The following DSC2 variants were observed in gnomAD, a reference collection of about 807,000 sequenced individuals.
DSC2 encodes the protein desmocollin-2.
DSC2 carries 51 observed loss-of-function variants against 87.6 expected under a neutral mutation model. That is an observed-to-expected ratio of 0.58 (90% CI 0.46 to 0.74). The LOEUF is 0.74. Among genes scored for constraint, DSC2 ranks in the 30% least tolerant of loss-of-function variants. DSC2 has a pLI of 0.00. For synonymous variants in DSC2, 383 were observed against 393.2 expected, an observed-to-expected ratio of 0.97 and a Z score of 0.31; for missense variants, 1,066 against 1,089.5, an observed-to-expected ratio of 0.98 and a Z score of 0.30.
intron 11 of DSC2, 115 bp from the exon 12 acceptor site, chr18:31,075,022 G>T: frequency 1.8e-6 from 2 of 1,114,384 alleles, no homozygotes; most frequent in Non-Finnish European, 2.6e-6. Context: ...AAGTTACAAT[G>T]ACAAGCAGTC....
rs998690766 is a variant in DSC2, at chr18:31,062,041, G to A, written c.*5974C>T. 3 of 152,182 alleles carry A rather than the reference G, an allele frequency of 2.0e-5. No homozygotes were observed. Among genetic ancestry groups the A allele is most frequent in the African/African-American group, 7.2e-5 (3 of 41,444 alleles). The allele number at this position is 152,182 out of a possible 1,614,324, so 9.4% of individuals were successfully genotyped here. A position where few individuals can be genotyped will look rare whatever the true frequency, so the allele number is the denominator to read the frequency against. On this transcript the variant is annotated 3_prime_UTR_variant, in exon 16 of 16. Coordinates refer to ENST00000280904, the MANE Select transcript of DSC2 (RefSeq NM_024422.6). ...CTACCTCTTACGTGTTATCTTCCAA[G>A]TGACATTATCAGTTCACAGCACAAT... is the stretch of plus-strand genomic sequence containing the variant.
intron 1 of DSC2, among the ~76,000 whole-genome samples, chr18:31,099,199 A>C (rs1240488876): frequency 1.3e-5 from 2 of 151,942 alleles, no homozygotes; most frequent in Non-Finnish European, 2.9e-5. Context: ...TTAAGCTATA[A>C]AAGTGGATAA....
At position 31,099,197 on chromosome 18, in the gene DSC2, TA is replaced by T. The variant is rs200485417; in HGVS notation, c.69+2705del. Among the ~76,000 whole-genome samples, 124 of 152,254 alleles carry T rather than the reference TA, an allele frequency of 8.1e-4. 3 individuals carry two copies. The East Asian group carries it at 0.022, about 28-fold the overall frequency. On this transcript the variant is annotated intron_variant, in intron 1 of 15. Coordinates refer to ENST00000280904, the MANE Select transcript of DSC2 (RefSeq NM_024422.6). ...GGCAACTGTGTGATATTTTAAGCTA[TA>T]AAAGTGGATAAAATGCCCTAGGGAA...
intron 2 of DSC2, among the ~76,000 whole-genome samples, chr18:31,093,130 T>C (rs1987654437): frequency 6.6e-6 from 1 of 152,246 alleles, no homozygotes; most frequent in Admixed American, 6.5e-5. Context: ...TCAGGATTTA[T>C]TTTGTATGTG....
Position 31,101,983 on chromosome 18 carries a change from G to C in DSC2, c.-12C>G, listed in dbSNP as rs954770780. The C allele has an allele frequency of 1.3e-5, 19 of 1,510,098 alleles. No individual in the cohort carries two copies. The highest frequency in any genetic ancestry group is 2.5e-5 in the South Asian group (2 of 81,516). 93.5% of individuals were successfully genotyped at this position (1,510,098 alleles called of 1,614,324 possible). On this transcript the variant is annotated 5_prime_UTR_variant, in exon 1 of 16. Transcript: ENST00000280904. ...CGGGCTGCCTCCATGGAGAGGGCTCGGGGCAGGTCGCGGGCCGAGCGTCGG... is the reference window on the plus strand; with the variant it reads ...CGGGCTGCCTCCATGGAGAGGGCTCCGGGCAGGTCGCGGGCCGAGCGTCGG...
At chr18:31,074,570 C>G in intron 12 of DSC2, 113 bp downstream of exon 12, 1 of 1,011,842 alleles carries the variant, frequency 9.9e-7, no homozygotes. Flanking sequence ...AACTGAGAAA[C>G]TTTCATTGGT....
intron 1 of DSC2, chr18:31,101,142 A>G: frequency 1.0e-6 from 1 of 974,188 alleles, no homozygotes; most frequent in Non-Finnish European, 1.2e-6. Context: ...GAAATCAGAA[A>G]GACCCTTCCT....
At position 31,068,983 on chromosome 18, in the gene DSC2, C is replaced by G. The variant is rs748323101; in HGVS notation, c.2419G>C (p.Asp807His). Residue 807 changes from aspartate (D) to histidine (H), a missense_variant, in exon 15 of 16, where the codon GAC becomes CAC. By Grantham distance (81) the Asp-to-His change is moderately conservative. Coordinates refer to ENST00000280904, the MANE Select transcript of DSC2 (RefSeq NM_024422.6). ...CRGAGHHHTL[D>H]SCRGGHTEVD... ...TCCGTGTGTCCTCCCCTGCAGGAGT[C>G]CAGGGTGTGATGGTGGCCAGCCCCC... 3 of 1,614,030 alleles carry G rather than the reference C, an allele frequency of 1.9e-6. No individual in the cohort carries two copies. In the East Asian group the frequency reaches 6.7e-5, roughly 36 times the overall value.
intron 12 of DSC2, 119 bp downstream of exon 12, chr18:31,074,562 CTG>C: frequency 1.1e-6 from 1 of 951,658 alleles, no homozygotes; most frequent in South Asian, 1.4e-5. Flanking sequence ...CACACAAAAA[CTG>C]AGAAACTTTC....
At chr18:31,084,210 G>A (rs1001180983) in intron 7 of DSC2, among the ~76,000 whole-genome samples, 6 of 152,000 alleles carry the variant, frequency 3.9e-5, no homozygotes, top group African/African-American at 1.5e-4. Context: ...TGATCTTCCT[G>A]CTTTTAACAC....
intron 1 of DSC2, among the ~76,000 whole-genome samples, chr18:31,100,421 T>C (rs549918384): frequency 2.6e-5 from 4 of 152,324 alleles, no homozygotes; most frequent in Admixed American, 6.5e-5. Flanking sequence ...GAAATTGCAA[T>C]TTTATTAGGA....
chr18:31,092,075 T>C (rs773458185), intron 3 of DSC2, 26 bp downstream of exon 3: 2 of 1,588,466 alleles, frequency 1.3e-6, no homozygotes, highest in Admixed American at 3.4e-5. Flanking sequence ...AAGATATCAT[T>C]TCTTCATTTA....
At position 31,080,114 on chromosome 18, in the gene DSC2, C is replaced by T. The variant is rs1315688724; in HGVS notation, c.1502G>A (p.Arg501Lys). The change falls in exon 10 of 16, where the codon AGA (arginine) becomes AAA (lysine). Residue 501 changes from arginine (R) to lysine (K), a missense_variant. Coordinates refer to ENST00000280904, the MANE Select transcript of DSC2 (RefSeq NM_024422.6). ...TAAGTACCTTATGCCACTGCTACTT[C>T]TTGTTTCTGGGTCATATGCTTTATA... Reference protein sequence around the residue: ...NGYKAYDPETRSSSGIRYKKL... With the variant: ...NGYKAYDPETKSSSGIRYKKL... 6.2e-7 allele frequency: 1 copy of T among 1,613,996 alleles called. No individual in the cohort carries two copies. Among genetic ancestry groups the T allele is most frequent in the Admixed American group, 1.7e-5 (1 of 60,020 alleles).
chr18:31,067,415 A>T lies in DSC2; in HGVS notation c.*600T>A, dbSNP rs1986660251. 6.6e-6 allele frequency: 1 copy of T among 152,210 alleles called. No homozygotes were observed. The highest frequency in any genetic ancestry group is 2.4e-5 in the African/African-American group (1 of 41,466). The allele number at this position is 152,210 out of a possible 1,614,324, so 9.4% of individuals were successfully genotyped here. A position where few individuals can be genotyped will look rare whatever the true frequency, so the allele number is the denominator to read the frequency against. On this transcript the variant is annotated 3_prime_UTR_variant, in exon 16 of 16. Transcript: ENST00000280904. The stretch of plus-strand genomic sequence containing the variant: ...CAAAAGTAGGTAACAGAGGAGACAC[A>T]GATTCAGTGCAGGATTTTATATACA...
At position 31,102,153 on chromosome 18, in the gene DSC2, A is replaced by G; in HGVS notation, c.-182T>C. ...TCTCTGAAGCGCCTGCCTCTCATCC[A>G]AGGGGCTTTTCCTTTGGCGGAGGGA... On this transcript the variant is annotated 5_prime_UTR_variant, in exon 1 of 16. Transcript: ENST00000280904. 1 of 505,678 alleles carries G rather than the reference A, an allele frequency of 2.0e-6. No homozygotes were observed. The highest frequency in any genetic ancestry group is 3.4e-5 in the South Asian group (1 of 29,536). The allele number at this position is 505,678 out of a possible 1,614,324, so 31.3% of individuals were successfully genotyped here. A position where few individuals can be genotyped will look rare whatever the true frequency, so the allele number is the denominator to read the frequency against.
In DSC2 at chr18:31,082,235, T is replaced by C. The variant is rs1353131977; in HGVS notation, c.1263+3A>G. 2 of 1,611,930 alleles carry C rather than the reference T, an allele frequency of 1.2e-6. No homozygotes were observed. Among genetic ancestry groups the C allele is most frequent in the Middle Eastern group, 3.3e-4 (2 of 5,974 alleles). On this transcript the variant is annotated splice_donor_region_variant and intron_variant, in intron 9 of 15. Coordinates refer to ENST00000280904, the MANE Select transcript of DSC2 (RefSeq NM_024422.6). ...TACAAATAATGTTCTAATTTATTCT[T>C]ACCTTAACTACACAAAGAACTCCTT...
intron 11 of DSC2, among the ~76,000 whole-genome samples, chr18:31,076,029 T>A (rs950201097): frequency 6.6e-6 from 1 of 152,130 alleles, no homozygotes; most frequent in African/African-American, 2.4e-5. Context: ...ACCCAGGAGT[T>A]CTGTCTCTAA....
chr18:31,090,078 TA>T (rs879687699), intron 4 of DSC2, among the ~76,000 whole-genome samples: 36 of 146,488 alleles, frequency 2.5e-4, no homozygotes, highest in Middle Eastern at 3.6e-3. Context: ...AGGAACTGAG[TA>T]AAAAAAAAAA....
Position 31,092,104 on chromosome 18 carries a change from T to C in DSC2, c.351A>G (p.Thr117=), listed in dbSNP as rs117812913. 15,062 of 1,611,618 alleles carry C rather than the reference T, an allele frequency of 9.3e-3. 98 individuals are homozygous for C. Among genetic ancestry groups the C allele is most frequent in the Non-Finnish European group, 0.011 (12,738 of 1,178,600 alleles). ...TCATTTATGTAGCCTTGTATACCTT[T>C]GTTTGATGCTCCAAAAAGACAAATA... The part of the protein sequence containing the change: ...KKIFVFLEHQ[T]KVLKKRHTKE... Residue 117 remains threonine, a synonymous_variant, in exon 3 of 16, where the codon ACA becomes ACG. Coordinates refer to ENST00000280904, the MANE Select transcript of DSC2 (RefSeq NM_024422.6).
Sources: allele counts gnomAD v4.1 joint callset (sites outside exome capture counted in the v4.1 genomes callset), GRCh38; gene constraint gnomAD v4.1.1; transcripts MANE v1.5; gene names NCBI Gene and HGNC (gene_info 2026-07-23, HGNC 2026-07-21).